The following NALCN variants were observed in gnomAD, a reference collection of about 807,000 sequenced individuals.
NALCN encodes the protein sodium leak channel NALCN.
NALCN carries 111 observed loss-of-function variants against 225.3 expected under a neutral mutation model. That is an observed-to-expected ratio of 0.49 (90% CI 0.42 to 0.58). NALCN has a LOEUF of 0.58. Ranked by LOEUF, NALCN falls within the 20% of genes least tolerant of loss-of-function variation. The pLI, the probability that NALCN is intolerant of heterozygous loss-of-function variation, is 0.00. For missense variants in NALCN, 1,378 were observed against 2,202.4 expected (o/e 0.63, Z 7.49); for synonymous variants, 764 against 769.0 (o/e 0.99, Z 0.11).
chr13:101,290,263 G>A (rs2043503400), intron 9 of NALCN, among the ~76,000 whole-genome samples: 1 of 152,140 alleles, frequency 6.6e-6, no homozygotes, highest in Non-Finnish European at 1.5e-5. Flanking sequence ...TTTTATACGT[G>A]AGAGTTACTC....
At chr13:101,055,873 G>A (rs2139374100) in intron 43 of NALCN, among the ~76,000 whole-genome samples, 1 of 152,244 alleles carries the variant, frequency 6.6e-6, no homozygotes, top group African/African-American at 2.4e-5. Flanking sequence ...CAGTAAAGGC[G>A]AGGGGGGATG....
At chr13:101,277,662 C>A (rs1334351737) in intron 10 of NALCN, among the ~76,000 whole-genome samples, 1 of 152,152 alleles carries the variant, frequency 6.6e-6, no homozygotes, top group Non-Finnish European at 1.5e-5. Flanking sequence ...ATTCTTTATT[C>A]ATTCATCCAT....
chr13:101,320,556 G>A (rs1459811408), intron 7 of NALCN, among the ~76,000 whole-genome samples: 2 of 152,080 alleles, frequency 1.3e-5, no homozygotes, highest in African/African-American at 4.8e-5. Flanking sequence ...TTTTAAAATA[G>A]GAGAATATTA....
intron 14 of NALCN, among the ~76,000 whole-genome samples, chr13:101,179,605 A>G (rs1286893102): frequency 2.6e-5 from 4 of 152,134 alleles, no homozygotes; most frequent in Non-Finnish European, 5.9e-5. Flanking sequence ...GCTGGGTAAT[A>G]TGTCCTCCAT....
At chr13:101,121,683 A>T (rs1182424530) in intron 18 of NALCN, among the ~76,000 whole-genome samples, 2 of 152,362 alleles carry the variant, frequency 1.3e-5, no homozygotes, top group African/African-American at 4.8e-5. Context: ...CCCATCTATT[A>T]AAAGACAGAA....
chr13:101,382,762 C>T (rs1190907932), intron 3 of NALCN, among the ~76,000 whole-genome samples: 1 of 152,108 alleles, frequency 6.6e-6, no homozygotes, highest in Non-Finnish European at 1.5e-5. Context: ...ATGTAGAAAA[C>T]TTTCTTTTCC....
intron 17 of NALCN, among the ~76,000 whole-genome samples, chr13:101,140,162 T>C (rs1345831947): frequency 6.6e-6 from 1 of 152,168 alleles, no homozygotes; most frequent in Non-Finnish European, 1.5e-5. Context: ...AGTATGTTTT[T>C]GACATTCCAC....
chr13:101,071,181 G>A (rs1376621467), intron 37 of NALCN, among the ~76,000 whole-genome samples: 1 of 152,156 alleles, frequency 6.6e-6, no homozygotes, highest in Non-Finnish European at 1.5e-5. Flanking sequence ...TCAAACCATT[G>A]CAGGGTCCTA....
At position 101,258,493 on chromosome 13, in the gene NALCN, A is replaced by C. The variant is rs758974889; in HGVS notation, c.1216T>G (p.Tyr406Asp). The change falls in exon 11 of 44, where the codon TAC (tyrosine) becomes GAC (aspartate). Residue 406 changes from tyrosine to aspartate, a missense_variant. Tyr to Asp is a radical substitution (Grantham distance 160). Around this residue, in one of 19 missense-constraint regions of NALCN, gnomAD observed 144 missense variants for 187.7 expected, o/e 0.77. Coordinates refer to ENST00000251127, the MANE Select transcript of NALCN (RefSeq NM_052867.4). ...TGCCTCCTGAAGTTTTCTCCTTTGT[A>C]GTAGTTGCTAGCCGCCACGATCACG... ...VDVIVAASNYYKGENFRRQYD... is the reference protein window; with the variant it reads ...VDVIVAASNYDKGENFRRQYD... The C allele has an allele frequency of 8.1e-6, 13 of 1,614,046 alleles. No homozygotes were observed. The African/African-American group carries it at 1.1e-4, about 13-fold the overall frequency.
rs758060626 is a variant in NALCN, at chr13:101,376,744, A to G, written c.600T>C (p.Phe200=). Residue 200 remains phenylalanine, a synonymous_variant, in exon 6 of 44, where the codon TTT becomes TTC. Coordinates refer to ENST00000251127, the MANE Select transcript of NALCN (RefSeq NM_052867.4). ...LLYGILGVQM[F]GTFTYHCVVN... is the part of the protein sequence containing the mutation. ...CAACACAGTGATAAGTAAATGTTCC[A>G]AACATCTGAACTCCTAAAATTCCAT... 3 of 1,612,912 alleles carry G rather than the reference A, an allele frequency of 1.9e-6. No individual in the cohort carries two copies. Among genetic ancestry groups the G allele is most frequent in the Non-Finnish European group, 2.5e-6 (3 of 1,179,734 alleles).
At chr13:101,306,511 C>T (rs1457298263) in intron 7 of NALCN, among the ~76,000 whole-genome samples, 1 of 152,198 alleles carries the variant, frequency 6.6e-6, no homozygotes, top group Non-Finnish European at 1.5e-5. Flanking sequence ...TGCCCTTGTC[C>T]TGGTGATTCT....
At chr13:101,269,321 A>G (rs370123120) in intron 10 of NALCN, among the ~76,000 whole-genome samples, 15 of 152,124 alleles carry the variant, frequency 9.9e-5, no homozygotes, top group Admixed American at 7.9e-4. Context: ...AATTTTTGAT[A>G]TAACTTAATT....
At chr13:101,273,165 T>C (rs2042854014) in intron 10 of NALCN, among the ~76,000 whole-genome samples, 2 of 152,132 alleles carry the variant, frequency 1.3e-5, no homozygotes, top group Admixed American at 6.5e-5. Flanking sequence ...GGTTCAAAAG[T>C]GTGCAGCCAC....
At chr13:101,395,499 T>C (rs1254046212) in intron 2 of NALCN, 134 bp from the exon 3 acceptor site, 26 of 758,194 alleles carry the variant, frequency 3.4e-5, no homozygotes, top group Non-Finnish European at 4.8e-5. Context: ...GAAGAAGAAA[T>C]CTAACACTAA....
At chr13:101,146,314 G>A (rs373898604) in intron 15 of NALCN, among the ~76,000 whole-genome samples, 10 of 152,222 alleles carry the variant, frequency 6.6e-5, no homozygotes, top group South Asian at 4.1e-4. Flanking sequence ...ACTGCTGTTC[G>A]TTGCCTTCCT....
At chr13:101,244,766 G>C (rs1026336322) in intron 11 of NALCN, among the ~76,000 whole-genome samples, 4 of 152,176 alleles carry the variant, frequency 2.6e-5, no homozygotes, top group Non-Finnish European at 5.9e-5. Flanking sequence ...TTTCAGTGTA[G>C]GTTATGGGGT....
At chr13:101,323,998 G>C (rs548671707) in intron 7 of NALCN, among the ~76,000 whole-genome samples, 128 of 152,244 alleles carry the variant, frequency 8.4e-4, no homozygotes, top group African/African-American at 2.7e-3. Context: ...CCATCACCCA[G>C]AAAACCATGG....
chr13:101,357,824 G>T (rs112413044), intron 6 of NALCN, among the ~76,000 whole-genome samples: 7 of 152,194 alleles, frequency 4.6e-5, no homozygotes, highest in African/African-American at 1.7e-4. Flanking sequence ...CATGGCACTG[G>T]TACCAAAACA....
At chr13:101,137,960 A>G (rs1295148458) in intron 17 of NALCN, among the ~76,000 whole-genome samples, 1 of 152,210 alleles carries the variant, frequency 6.6e-6, no homozygotes, top group Non-Finnish European at 1.5e-5. Context: ...TGGAACCTGC[A>G]CCACTTAATC....
Sources: allele counts gnomAD v4.1 joint callset (sites outside exome capture counted in the v4.1 genomes callset), GRCh38; gene constraint gnomAD v4.1.1; regional missense constraint gnomAD v4.1.1; transcripts MANE v1.5; gene names NCBI Gene and HGNC (gene_info 2026-07-23, HGNC 2026-07-21).